Variants in OLFM3 observed in about 807,000 individuals in gnomAD.
OLFM3 encodes the protein olfactomedin 3, also known as noelin-3.
OLFM3 carries 20 observed loss-of-function variants against 48.6 expected under a neutral mutation model. The ratio of observed to expected loss-of-function variants is 0.41; its 90% CI spans 0.29 to 0.60. OLFM3 has a LOEUF of 0.60. Ranked by LOEUF, OLFM3 falls within the 20% of genes least tolerant of loss-of-function variation. The probability of loss-of-function intolerance (pLI) is 0.28; values close to 1 mark genes in which losing one functional copy is unlikely to be tolerated. For synonymous variants in OLFM3, 222 were observed against 198.1 expected (o/e 1.12, Z -1.01); for missense variants, 437 against 544.3 (o/e 0.80, Z 1.96).
chr1:101,938,893 G>C (rs1659704560), intron 1 of OLFM3, among the ~76,000 whole-genome samples: 1 of 152,180 alleles, frequency 6.6e-6, no homozygotes, highest in Non-Finnish European at 1.5e-5. Flanking sequence ...GATGGTTTGT[G>C]TGTCTCTATC....
chr1:101,816,910 T>G (rs1279280672), intron 4 of OLFM3, among the ~76,000 whole-genome samples: 1 of 152,112 alleles, frequency 6.6e-6, no homozygotes, highest in Non-Finnish European at 1.5e-5. Flanking sequence ...CCCTTACAAA[T>G]GGTTATTGAT....
intron 1 of OLFM3, among the ~76,000 whole-genome samples, chr1:101,964,346 A>C (rs2101087769): frequency 6.6e-6 from 1 of 152,326 alleles, no homozygotes; most frequent in Middle Eastern, 3.4e-3. Context: ...GGTTTTATAT[A>C]CCACAACAAA....
Position 101,832,051 on chromosome 1 carries a change from C to T in OLFM3, c.217-1224G>A, listed in dbSNP as rs868392672. On this transcript the variant is annotated intron_variant, in intron 2 of 5. Transcript: ENST00000370103. ...CTGAGTAGCTGGGATTACAGGTGCA[C>T]GCCACTACGCCTGGCTAATTTTCGT... is the stretch of plus-strand genomic sequence containing the variant. Among the ~76,000 whole-genome samples, 64 of 152,162 alleles carry T rather than the reference C, an allele frequency of 4.2e-4. No homozygotes were observed. The Middle Eastern group carries it at 0.014, about 32-fold the overall frequency.
At position 101,906,010 on chromosome 1, in the gene OLFM3, T is replaced by G. The variant is rs74894564; in HGVS notation, c.70-68985A>C. 8.1e-3 allele frequency among the ~76,000 whole-genome samples: 1,228 copies of G among 152,274 alleles called. 19 individuals are homozygous for G. The highest frequency in any genetic ancestry group is 0.027 in the African/African-American group (1,139 of 41,552). On this transcript the variant is annotated intron_variant, in intron 1 of 5. Transcript: ENST00000370103. ...GGAAAACTCATTTTCTCACATCTCTTCCCTTTTTTAAGAAAAGCTGTAATA... is the reference window on the plus strand; with the variant it reads ...GGAAAACTCATTTTCTCACATCTCTGCCCTTTTTTAAGAAAAGCTGTAATA...
chr1:101,811,165 CAT>C (rs1161038950), intron 4 of OLFM3, among the ~76,000 whole-genome samples: 1 of 151,924 alleles, frequency 6.6e-6, no homozygotes, highest in Non-Finnish European at 1.5e-5. Flanking sequence ...ATGAAACAAA[CAT>C]AATGTAATGT....
intron 1 of OLFM3, among the ~76,000 whole-genome samples, chr1:101,932,751 T>C (rs1557735710): frequency 2.6e-5 from 4 of 152,194 alleles, no homozygotes; most frequent in Admixed American, 6.5e-5. Context: ...AAATCCAGCG[T>C]GTCTTGTTAT....
Position 101,950,536 on chromosome 1 carries a change from T to A in OLFM3, c.69+46212A>T, listed in dbSNP as rs528583223. ...TCACTGCAAGCTCCGCCTCCCGGGTTCACGCCATTCTCCTGCCTCAGCCTC... is the reference window on the plus strand; with the variant it reads ...TCACTGCAAGCTCCGCCTCCCGGGTACACGCCATTCTCCTGCCTCAGCCTC... On this transcript the variant is annotated intron_variant, in intron 1 of 5. Transcript: ENST00000370103. Among the ~76,000 whole-genome samples the A allele has an allele frequency of 2.0e-5, 3 of 151,984 alleles. No individual in the cohort carries two copies. In the South Asian group the frequency reaches 6.3e-4, roughly 32 times the overall value.
intron 1 of OLFM3, among the ~76,000 whole-genome samples, chr1:101,882,291 G>A (rs1045995727): frequency 6.8e-6 from 1 of 146,512 alleles, no homozygotes; most frequent in Non-Finnish European, 1.5e-5. Flanking sequence ...ACAACACTAT[G>A]TTATTTCTAC....
At chr1:101,985,620 T>G (rs1009781128) in intron 1 of OLFM3, among the ~76,000 whole-genome samples, 1 of 152,184 alleles carries the variant, frequency 6.6e-6, no homozygotes, top group Non-Finnish European at 1.5e-5. Flanking sequence ...TCTTATAATT[T>G]TAGCCATCTC....
intron 1 of OLFM3, among the ~76,000 whole-genome samples, chr1:101,916,163 T>G (rs1658918870): frequency 6.6e-6 from 1 of 152,164 alleles, no homozygotes; most frequent in Non-Finnish European, 1.5e-5. Flanking sequence ...TAATAGTTAT[T>G]GTGAATTGTG....
intron 1 of OLFM3, chr1:101,846,936 C>T (rs772160314): frequency 1.2e-6 from 2 of 1,612,654 alleles, no homozygotes; most frequent in East Asian, 2.2e-5. Context: ...TGCCATGGTA[C>T]TAAGCACAGC....
intron 1 of OLFM3, among the ~76,000 whole-genome samples, chr1:101,935,748 T>A (rs1659593635): frequency 6.6e-6 from 1 of 152,054 alleles, no homozygotes; most frequent in Admixed American, 6.6e-5. Context: ...GCAAACTGAA[T>A]CAAACAGCAC....
chr1:101,932,529 C>T (rs1209424689), intron 1 of OLFM3, among the ~76,000 whole-genome samples: 2 of 152,090 alleles, frequency 1.3e-5, no homozygotes, highest in Non-Finnish European at 2.9e-5. Context: ...ATTCCTAAAC[C>T]CTGGTGACAC....
intron 3 of OLFM3, among the ~76,000 whole-genome samples, chr1:101,828,182 T>C (rs754839092): frequency 6.6e-6 from 1 of 152,064 alleles, no homozygotes; most frequent in African/African-American, 2.4e-5. Flanking sequence ...TTAAACCTCT[T>C]TCTTTCACAC....
At chr1:101,821,775 G>A (rs1030501394) in intron 4 of OLFM3, among the ~76,000 whole-genome samples, 3 of 152,024 alleles carry the variant, frequency 2.0e-5, no homozygotes, top group Non-Finnish European at 2.9e-5. Flanking sequence ...AAGTCATCTC[G>A]ATTAACTTAT....
chr1:101,854,931 A>G (rs76206689), intron 1 of OLFM3, among the ~76,000 whole-genome samples: 8,047 of 152,120 alleles, frequency 0.053, 327 homozygotes, highest in Middle Eastern at 0.14. Context: ...TAGGGCCTGG[A>G]ACATGATCAG....
At chr1:101,973,192 G>A (rs1477127317) in intron 1 of OLFM3, among the ~76,000 whole-genome samples, 3 of 152,160 alleles carry the variant, frequency 2.0e-5, no homozygotes, top group African/African-American at 7.2e-5. Flanking sequence ...CATGCCGTCT[G>A]CAGTGGAGAA....
chr1:101,898,409 A>G (rs1658277082), intron 1 of OLFM3, among the ~76,000 whole-genome samples: 1 of 152,212 alleles, frequency 6.6e-6, no homozygotes, highest in Admixed American at 6.5e-5. Flanking sequence ...GAAGTGTATC[A>G]AAACTTTGAA....
chr1:101,822,094 CTA>C (rs993207464), intron 4 of OLFM3, among the ~76,000 whole-genome samples: 2 of 152,044 alleles, frequency 1.3e-5, no homozygotes, highest in African/African-American at 4.8e-5. Flanking sequence ...CTTAGATTAA[CTA>C]TCTTTGTCCA....
Sources: gnomAD v4.1 joint callset for allele counts (sites outside exome capture counted in the v4.1 genomes callset) on GRCh38, gnomAD v4.1.1 for gene constraint, MANE v1.5 for transcripts, NCBI Gene and HGNC (gene_info 2026-07-23, HGNC 2026-07-21) for gene names.